Variants in SLC2A9 observed in about 807,000 individuals in gnomAD.
The protein encoded by SLC2A9 is solute carrier family 2, facilitated glucose transporter member 9.
SLC2A9 carries 39 observed loss-of-function variants against 50.6 expected under a neutral mutation model. That is an observed-to-expected ratio of 0.77 (90% CI 0.60 to 1.01). SLC2A9 has a LOEUF of 1.01. Among genes scored for constraint, SLC2A9 ranks in the 50% least tolerant of loss-of-function variants. The pLI, the probability that SLC2A9 is intolerant of heterozygous loss-of-function variation, is 0.00. For synonymous variants in SLC2A9, 324 were observed against 276.9 expected (o/e 1.17, Z -1.69); for missense variants, 686 against 677.6 (o/e 1.01, Z -0.14).
intron 5 of SLC2A9, among the ~76,000 whole-genome samples, chr4:9,975,405 G>C (rs916334813): frequency 1.7e-4 from 26 of 152,082 alleles, no homozygotes; most frequent in African/African-American, 6.3e-4. Flanking sequence ...AATTGAACAA[G>C]CAAAAAACAA....
chr4:9,874,815 C>A (rs538324520), intron 10 of SLC2A9, among the ~76,000 whole-genome samples: 1 of 145,910 alleles, frequency 6.9e-6, no homozygotes, highest in Admixed American at 6.7e-5. Context: ...TAATGTGGGA[C>A]GCTGTGTCTT....
At chr4:9,821,176 T>C (rs1459871869) in intron 3 of SLC2A9, among the ~76,000 whole-genome samples, 1 of 152,220 alleles carries the variant, frequency 6.6e-6, no homozygotes, top group Non-Finnish European at 1.5e-5. Context: ...CCTGTATCTA[T>C]TGATATAATC....
At chr4:9,914,667 G>C (rs958283163) in intron 7 of SLC2A9, among the ~76,000 whole-genome samples, 1 of 152,184 alleles carries the variant, frequency 6.6e-6, no homozygotes, top group Non-Finnish European at 1.5e-5. Flanking sequence ...ACGGGAGTCT[G>C]TGGGCTGGAC....
At chr4:9,868,521 A>T (rs375624076) in intron 10 of SLC2A9, among the ~76,000 whole-genome samples, 1 of 152,190 alleles carries the variant, frequency 6.6e-6, no homozygotes, top group Non-Finnish European at 1.5e-5. Context: ...ATTTATTTCA[A>T]TTGGGTACCT....
At chr4:9,783,416 A>G (rs1560113715) in intron 3 of SLC2A9, 1 of 1,613,806 alleles carries the variant, frequency 6.2e-7, no homozygotes, top group South Asian at 1.1e-5. Context: ...CGAGGGGGAG[A>G]TTTCTTTAGA....
intron 3 of SLC2A9, among the ~76,000 whole-genome samples, chr4:9,815,006 G>A (rs1479135660): frequency 1.3e-5 from 2 of 152,154 alleles, no homozygotes; most frequent in African/African-American, 4.8e-5. Context: ...GTCCTGTGGT[G>A]TAGTGATAGG....
chr4:10,038,421 C>T (rs947169451), intron 1 of SLC2A9, among the ~76,000 whole-genome samples: 2 of 143,058 alleles, frequency 1.4e-5, no homozygotes, highest in Non-Finnish European at 1.5e-5. Flanking sequence ...GCAGGAGAAT[C>T]ACTTAAACCC....
In SLC2A9 at chr4:9,782,711, T is replaced by C. The variant is rs764080313; in HGVS notation, n.386-2646A>G. ...CAGCCTGAATCGAACCTACGCCATC[T>C]CTTCCTCGCTCATCAGCTTCTACAT... On this transcript the variant is annotated intron_variant and non_coding_transcript_variant, in intron 3 of 3. Transcript: ENST00000503803. 1.9e-6 allele frequency: 3 copies of C among 1,613,996 alleles called. No individual in the cohort carries two copies. In the South Asian group the frequency reaches 3.3e-5, roughly 18 times the overall value.
At chr4:9,942,406 G>A (rs112394729) in intron 5 of SLC2A9, among the ~76,000 whole-genome samples, 95 of 152,300 alleles carry the variant, frequency 6.2e-4, no homozygotes, top group African/African-American at 2.1e-3. Context: ...TCAACACCAG[G>A]GCTGCCTCCC....
intron 5 of SLC2A9, among the ~76,000 whole-genome samples, chr4:9,965,174 G>A (rs1051559879): frequency 2.0e-5 from 3 of 152,162 alleles, no homozygotes; most frequent in African/African-American, 7.2e-5. Flanking sequence ...GCTTGGAGAG[G>A]TTAGCAACTT....
At chr4:9,780,474 G>A (rs1367136941) in intron 3 of SLC2A9, among the ~76,000 whole-genome samples, 1 of 152,198 alleles carries the variant, frequency 6.6e-6, no homozygotes, top group Admixed American at 6.5e-5. Flanking sequence ...TGTAGGCTGA[G>A]CAGCTTAAGT....
At chr4:9,973,507 T>C (rs1754256622) in intron 5 of SLC2A9, among the ~76,000 whole-genome samples, 1 of 151,934 alleles carries the variant, frequency 6.6e-6, no homozygotes, top group African/African-American at 2.4e-5. Flanking sequence ...GTGGCACATA[T>C]ACACCATGGA....
rs569421817 is a variant in SLC2A9 at position 9,872,805 on chromosome 4, T to C, written c.1291+14762A>G. Among the ~76,000 whole-genome samples the C allele has an allele frequency of 3.9e-5, 6 of 152,322 alleles. No individual in the cohort carries two copies. The South Asian group carries it at 1.0e-3, about 26-fold the overall frequency. ...AAACTGATCAAAGCTGTTAGAACCA[T>C]TCCATTCTATGCACAAAAATGTACA... On this transcript the variant is annotated intron_variant, in intron 10 of 11. Coordinates refer to ENST00000264784, the MANE Select transcript of SLC2A9 (RefSeq NM_020041.3).
chr4:9,809,951 G>A (rs1252751157), intron 3 of SLC2A9, among the ~76,000 whole-genome samples: 1 of 151,172 alleles, frequency 6.6e-6, no homozygotes, highest in Non-Finnish European at 1.5e-5. Flanking sequence ...CTATTTTATA[G>A]GTGGGCACCT....
chr4:9,892,645 G>A (rs1192220016), intron 8 of SLC2A9, among the ~76,000 whole-genome samples: 1 of 152,196 alleles, frequency 6.6e-6, no homozygotes, highest in Non-Finnish European at 1.5e-5. Flanking sequence ...GGGTAGCTGT[G>A]AGATAAAGCG....
chr4:9,999,257 C>A (rs566245153), intron 2 of SLC2A9, among the ~76,000 whole-genome samples: 147 of 151,948 alleles, frequency 9.7e-4, no homozygotes, highest in African/African-American at 3.4e-3. Context: ...AAGGAGGTCT[C>A]GCCATGTTCC....
chr4:9,845,725 C>T (rs1255085414), intron 10 of SLC2A9, among the ~76,000 whole-genome samples: 2 of 152,186 alleles, frequency 1.3e-5, no homozygotes, highest in African/African-American at 4.8e-5. Flanking sequence ...CCACCGCGCC[C>T]GGCCCTGATC....
At chr4:9,830,674 A>G (rs371977873) in intron 11 of SLC2A9, among the ~76,000 whole-genome samples, 2 of 152,390 alleles carry the variant, frequency 1.3e-5, no homozygotes, top group South Asian at 2.1e-4. Flanking sequence ...ACTGCATTTT[A>G]TAACTTGAGT....
intron 10 of SLC2A9, among the ~76,000 whole-genome samples, chr4:9,855,732 C>T (rs1220254280): frequency 1.3e-5 from 2 of 152,092 alleles, no homozygotes; most frequent in Non-Finnish European, 2.9e-5. Flanking sequence ...GCTACAGTAA[C>T]CAAAACAGCA....
Sources: gnomAD v4.1 joint callset for allele counts (sites outside exome capture counted in the v4.1 genomes callset) on GRCh38, gnomAD v4.1.1 for gene constraint, MANE v1.5 for transcripts, NCBI Gene and HGNC (gene_info 2026-07-23, HGNC 2026-07-21) for gene names.